Variants in PPP6C observed in about 807,000 individuals in gnomAD.
PPP6C encodes serine/threonine-protein phosphatase 6 catalytic subunit.
Under a neutral mutation model 39.8 loss-of-function variants are expected in PPP6C, and 11 were observed. The observed-to-expected ratio is 0.28, with a 90% CI of 0.17 to 0.46. The LOEUF (loss-of-function observed/expected upper bound fraction) is 0.46. Ranked by LOEUF, PPP6C falls within the 20% of genes least tolerant of loss-of-function variation. The pLI, the probability that PPP6C is intolerant of heterozygous loss-of-function variation, is 1.00. For synonymous variants in PPP6C, 129 were observed against 130.3 expected (o/e 0.99, Z 0.07); for missense variants, 211 against 373.9 (o/e 0.56, Z 3.59).
chr9:125,146,987 A>C lies in PPP6C; in HGVS notation c.*2686T>G, dbSNP rs1835826984. On this transcript the variant is annotated 3_prime_UTR_variant, in exon 7 of 7. Coordinates refer to ENST00000373547, the MANE Select transcript of PPP6C (RefSeq NM_002721.5). Reference sequence around the variant, plus strand: ...AACAATATTTCAAACCTTATTTCCCAAAGCAAAACCTAGGGCTTAAGACGT... The same window carrying C: ...AACAATATTTCAAACCTTATTTCCCCAAGCAAAACCTAGGGCTTAAGACGT... 2 of 152,198 alleles carry C rather than the reference A, an allele frequency of 1.3e-5. No homozygotes were observed. Among genetic ancestry groups the C allele is most frequent in the Non-Finnish European group, 2.9e-5 (2 of 68,038 alleles). The allele number at this position is 152,198 out of a possible 1,614,324, so 9.4% of individuals were successfully genotyped here. A position where few individuals can be genotyped will look rare whatever the true frequency, so the allele number is the denominator to read the frequency against.
intron 6 of PPP6C, among the ~76,000 whole-genome samples, chr9:125,152,757 G>A (rs935293520): frequency 6.6e-6 from 1 of 151,830 alleles, no homozygotes; most frequent in Non-Finnish European, 1.5e-5. Context: ...TTGAATCCAG[G>A]AGGCAGAGGT....
rs1383087188 is a variant in PPP6C at position 125,189,774 on chromosome 9, G to GGCA, written c.-59_-57dup. On this transcript the variant is annotated 5_prime_UTR_variant, in exon 1 of 7. Coordinates refer to ENST00000373547, the MANE Select transcript of PPP6C (RefSeq NM_002721.5). ...CGGCGGCGGCTGTAGCAGCGGCGGC[G>GGCA]GCAGCGGCGGAGGCCGAAGCCGGAA... is the stretch of plus-strand genomic sequence containing the variant. The GGCA allele has an allele frequency of 3.9e-6, 6 of 1,536,354 alleles. No individual in the cohort carries two copies. The highest frequency in any genetic ancestry group is 3.6e-5 in the South Asian group (3 of 83,870).
chr9:125,150,893 G>A (rs182311949), intron 6 of PPP6C: 14 of 869,702 alleles, frequency 1.6e-5, no homozygotes, highest in East Asian at 9.8e-5. Flanking sequence ...CTGCTTCAGC[G>A]AGCCAGCTTA....
intron 1 of PPP6C, chr9:125,188,818 AATT>A: frequency 2.4e-6 from 1 of 423,824 alleles, no homozygotes; most frequent in Non-Finnish European, 3.8e-6. Flanking sequence ...TAATAATAAT[AATT>A]AAAAAGTTTT....
intron 6 of PPP6C, chr9:125,150,932 C>A: frequency 9.2e-7 from 1 of 1,090,616 alleles, no homozygotes; most frequent in Non-Finnish European, 1.4e-6. Flanking sequence ...TCCCTTATGC[C>A]CAGCAGGATA....
chr9:125,160,733 C>G, intron 3 of PPP6C, 108 bp downstream of exon 3: 1 of 754,014 alleles, frequency 1.3e-6, no homozygotes, highest in South Asian at 2.4e-5. Flanking sequence ...TTTTAATATA[C>G]TGAAATAGGG....
In PPP6C at chr9:125,189,666, T is replaced by C. The variant is rs1277984265; in HGVS notation, c.53A>G (p.Tyr18Cys). 1.9e-6 allele frequency: 3 copies of C among 1,612,714 alleles called. No individual in the cohort carries two copies. Among genetic ancestry groups the C allele is most frequent in the Non-Finnish European group, 2.5e-6 (3 of 1,179,520 alleles). Reference sequence around the variant, plus strand: ...CACCTTCAGGTCGTTCTCTGGCAGGTACTTGCACAGCCGCGCTATTTCCAC... The same window carrying C: ...CACCTTCAGGTCGTTCTCTGGCAGGCACTTGCACAGCCGCGCTATTTCCAC... ...KYVEIARLCK[Y>C]LPENDLKRLC... The change falls in exon 1 of 7, where the codon TAC becomes TGC. Residue 18 changes from tyrosine (Y) to cysteine (C), a missense_variant. This residue lies in a region of PPP6C where 43 missense variants were observed against 31.3 expected (regional missense o/e 1.38). Coordinates refer to ENST00000373547, the MANE Select transcript of PPP6C (RefSeq NM_002721.5).
At chr9:125,152,971 T>C (rs1835987647) in intron 6 of PPP6C, among the ~76,000 whole-genome samples, 1 of 149,778 alleles carries the variant, frequency 6.7e-6, no homozygotes, top group Non-Finnish European at 1.5e-5. Context: ...TTAACTACAG[T>C]ACTTGAAAGG....
rs149216301 is a variant in PPP6C, at chr9:125,160,733, C to A, written c.237+108G>T. 26 of 754,014 alleles carry A rather than the reference C, an allele frequency of 3.4e-5. No homozygotes were observed. The African/African-American group carries it at 4.2e-4, about 12-fold the overall frequency. 46.7% of individuals were successfully genotyped at this position (754,014 alleles called of 1,614,324 possible). The stretch of plus-strand genomic sequence containing the variant: ...GGACTAATACACATCTTTTAATATA[C>A]TGAAATAGGGACTGTCACATGGTAA... On this transcript the variant is annotated intron_variant, in intron 3 of 6. Coordinates refer to ENST00000373547, the MANE Select transcript of PPP6C (RefSeq NM_002721.5).
At chr9:125,184,238 A>T (rs1444298522) in intron 1 of PPP6C, among the ~76,000 whole-genome samples, 1 of 151,924 alleles carries the variant, frequency 6.6e-6, no homozygotes, top group Non-Finnish European at 1.5e-5. Context: ...ATACCAAAAA[A>T]CTAGCCAGGC....
intron 1 of PPP6C, among the ~76,000 whole-genome samples, chr9:125,179,155 C>T (rs1270279999): frequency 4.1e-5 from 6 of 144,956 alleles, no homozygotes; most frequent in African/African-American, 1.3e-4. Context: ...GCAGAGGTTG[C>T]GGTGAGCTGA....
At chr9:125,166,742 C>T (rs1829022403) in intron 2 of PPP6C, among the ~76,000 whole-genome samples, 1 of 151,930 alleles carries the variant, frequency 6.6e-6, no homozygotes, top group South Asian at 2.1e-4. Context: ...CCATGTTGGC[C>T]AGGCTGATCT....
At chr9:125,172,478 A>T (rs1377378626) in intron 1 of PPP6C, among the ~76,000 whole-genome samples, 1 of 152,136 alleles carries the variant, frequency 6.6e-6, no homozygotes, top group African/African-American at 2.4e-5. Context: ...AAGTGGTGGG[A>T]TTACAGGCAT....
At chr9:125,176,597 CAGT>C (rs1441100791) in intron 1 of PPP6C, among the ~76,000 whole-genome samples, 1 of 152,168 alleles carries the variant, frequency 6.6e-6, no homozygotes, top group Non-Finnish European at 1.5e-5. Context: ...GTCAAAGCTG[CAGT>C]GAGGTGAGAC....
At position 125,159,212 on chromosome 9, in the gene PPP6C, ATTT is replaced by A. The variant is rs746652999; in HGVS notation, c.238-833_238-831del. On this transcript the variant is annotated intron_variant, in intron 3 of 6. Transcript: ENST00000373547. ...CACCACCAAGCCCGGCTAATTTTGT[ATTT>A]TTTTTTTTTTTTTAGTAGAGACGGG... is the stretch of plus-strand genomic sequence containing the variant. Among the ~76,000 whole-genome samples, 5 of 96,474 alleles carry A rather than the reference ATTT, an allele frequency of 5.2e-5. 1 individual carries two copies. The highest frequency in any genetic ancestry group is 1.2e-4 in the African/African-American group (3 of 25,712). The allele number at this position is 96,474 out of a possible 152,430, so 63.3% of individuals were successfully genotyped here.
rs777166748 is a variant in PPP6C at position 125,153,994 on chromosome 9, G to A, written c.380-9C>T. The A allele has an allele frequency of 2.3e-5, 36 of 1,578,662 alleles. No individual in the cohort carries two copies. Among genetic ancestry groups the A allele is most frequent in the Middle Eastern group, 1.7e-4 (1 of 6,020 alleles). ...TTTGGTTTGGCACTCATCTGTGAAA[G>A]AAACAGAAGGGTTTTAATTAATGAA... On this transcript the variant is annotated splice_polypyrimidine_tract_variant and intron_variant, in intron 4 of 6. Coordinates refer to ENST00000373547, the MANE Select transcript of PPP6C (RefSeq NM_002721.5).
At chr9:125,163,180 A>C (rs1473535833) in intron 2 of PPP6C, among the ~76,000 whole-genome samples, 2 of 152,188 alleles carry the variant, frequency 1.3e-5, no homozygotes, top group Non-Finnish European at 2.9e-5. Flanking sequence ...CAACTCAAGG[A>C]CCTTATGAGG....
intron 1 of PPP6C, among the ~76,000 whole-genome samples, chr9:125,185,683 G>C (rs1027487303): frequency 2.0e-5 from 3 of 148,576 alleles, no homozygotes; most frequent in African/African-American, 7.5e-5. Flanking sequence ...AACAGAGCAA[G>C]ACTCCGTCTC....
intron 6 of PPP6C, chr9:125,151,420 C>T: frequency 2.3e-6 from 2 of 867,926 alleles, no homozygotes; most frequent in Non-Finnish European, 4.0e-6. Flanking sequence ...CTCACATCAA[C>T]AACGCATGCT....
Sources: gnomAD v4.1 joint callset for allele counts (sites outside exome capture counted in the v4.1 genomes callset) on GRCh38, gnomAD v4.1.1 for gene constraint, gnomAD v4.1.1 regional missense constraint, MANE v1.5 for transcripts, NCBI Gene and HGNC (gene_info 2026-07-23, HGNC 2026-07-21) for gene names.